Variants in CRYL1 observed in about 807,000 individuals in gnomAD.
CRYL1 encodes lambda-crystallin homolog.
CRYL1 carries 29 observed loss-of-function variants against 36.6 expected under a neutral mutation model. The ratio of observed to expected loss-of-function variants is 0.79; its 90% CI spans 0.59 to 1.08. The LOEUF is 1.08. Ranked by LOEUF, CRYL1 falls within the 50% of genes least tolerant of loss-of-function variation. CRYL1 has a pLI of 0.00. For missense variants in CRYL1, 411 were observed against 407.9 expected, an observed-to-expected ratio of 1.01 and a Z score of -0.06; for synonymous variants, 152 against 151.5, an observed-to-expected ratio of 1.00 and a Z score of -0.02.
intron 2 of CRYL1, among the ~76,000 whole-genome samples, chr13:20,492,956 C>T (rs530845613): frequency 6.6e-6 from 1 of 152,282 alleles, no homozygotes; most frequent in Admixed American, 6.5e-5. Context: ...AACTCTTCCT[C>T]CCCTCCACTC....
At chr13:20,485,514 A>C (rs1259345840) in intron 3 of CRYL1, among the ~76,000 whole-genome samples, 1 of 152,012 alleles carries the variant, frequency 6.6e-6, no homozygotes, top group Non-Finnish European at 1.5e-5. Flanking sequence ...AAATGTACAC[A>C]AAAAATTAGC....
intron 6 of CRYL1, among the ~76,000 whole-genome samples, chr13:20,408,870 G>A (rs901615230): frequency 6.6e-6 from 1 of 152,116 alleles, no homozygotes; most frequent in African/African-American, 2.4e-5. Context: ...AAATGGAAGA[G>A]CATTCCATGC....
intron 3 of CRYL1, among the ~76,000 whole-genome samples, chr13:20,441,943 T>G (rs1339246566): frequency 2.6e-5 from 4 of 151,822 alleles, no homozygotes; most frequent in Admixed American, 6.6e-5. Context: ...AAAAAAAAAA[T>G]CAGTCATTTA....
At position 20,481,966 on chromosome 13, in the gene CRYL1, G is replaced by A. The variant is rs779663438; in HGVS notation, c.276+7404C>T. Among the ~76,000 whole-genome samples the A allele has an allele frequency of 2.0e-4, 30 of 151,990 alleles. No individual in the cohort carries two copies. The highest frequency in any genetic ancestry group is 1.3e-4 in the Non-Finnish European group (9 of 67,990). On this transcript the variant is annotated intron_variant, in intron 3 of 7. Transcript: ENST00000298248. The surrounding 1 kb of genome is among the most constrained non-coding windows in gnomAD (Gnocchi z 4.1). ...GAAAAAGTGTAACTCCAGTTTCCTC[G>A]CACATTCCCGAATATTCTCAGGGCT...
rs759313356 is a variant in CRYL1 at position 20,439,691 on chromosome 13, C to A, written c.340G>T (p.Asp114Tyr). 1 of 1,613,898 alleles carries A rather than the reference C, an allele frequency of 6.2e-7. No homozygotes were observed. The highest frequency in any genetic ancestry group is 1.3e-5 in the African/African-American group (1 of 74,898). ...KIFAQLDSII[D>Y]DRVILSSSTS... The stretch of plus-strand genomic sequence containing the variant: ...GAACTGCTTAAGATCACTCGATCAT[C>A]AATGATGGAATCTAACTGAGCAAAA... The change falls in exon 4 of 8, where the codon GAT becomes TAT. Residue 114 changes from aspartate to tyrosine, a missense_variant. Transcript: ENST00000298248.
intron 1 of CRYL1, among the ~76,000 whole-genome samples, chr13:20,517,803 G>A (rs1041241690): frequency 8.0e-5 from 12 of 150,906 alleles, no homozygotes; most frequent in African/African-American, 2.4e-4. Flanking sequence ...GGGCATGGTG[G>A]CGGATGCCTG....
intron 2 of CRYL1, 27 bp downstream of exon 2, chr13:20,512,416 C>A: frequency 3.3e-6 from 5 of 1,508,928 alleles, no homozygotes; most frequent in Non-Finnish European, 4.6e-6. Flanking sequence ...CACTTCCATT[C>A]CTTCTGGAGA....
At chr13:20,431,595 T>C (rs1003545271) in intron 5 of CRYL1, 9 of 1,023,980 alleles carry the variant, frequency 8.8e-6, no homozygotes, top group Non-Finnish European at 1.1e-5. Flanking sequence ...GAGGATGATG[T>C]TAAATATATT....
chr13:20,505,359 C>CAAAAAAAAAAAAA lies in CRYL1; in HGVS notation c.149+7071_149+7083dup, dbSNP rs61380702. On this transcript the variant is annotated intron_variant, in intron 2 of 7. Coordinates refer to ENST00000298248, the MANE Select transcript of CRYL1 (RefSeq NM_015974.3). ...GCAACAAAGTGAGACTCTATCCCAC[C>CAAAAAAAAAAAAA]AAAAAAAAAAAAAAAAAAAAAAATC... is the stretch of plus-strand genomic sequence containing the variant. Among the ~76,000 whole-genome samples, 38 of 91,222 alleles carry CAAAAAAAAAAAAA rather than the reference C, an allele frequency of 4.2e-4. 1 individual carries two copies. Among genetic ancestry groups the CAAAAAAAAAAAAA allele is most frequent in the Non-Finnish European group, 6.0e-4 (26 of 43,650 alleles). 59.8% of individuals were successfully genotyped at this position (91,222 alleles called of 152,430 possible).
At chr13:20,473,599 G>A (rs2033104349) in intron 3 of CRYL1, among the ~76,000 whole-genome samples, 1 of 152,200 alleles carries the variant, frequency 6.6e-6, no homozygotes, top group Admixed American at 6.5e-5. Context: ...GGGCTTCACG[G>A]AGCCCACCGT....
Position 20,470,077 on chromosome 13 carries a change from A to G in CRYL1, c.276+19293T>C, listed in dbSNP as rs1048873542. On this transcript the variant is annotated intron_variant, in intron 3 of 7. Transcript: ENST00000298248. ...ATAAAGCTACACCCGTCCTCCCTGC[A>G]AAGCAGGCTTTCTTCTTCCTCAAAT... Among the ~76,000 whole-genome samples, 3 of 152,344 alleles carry G rather than the reference A, an allele frequency of 2.0e-5. No individual in the cohort carries two copies. The South Asian group carries it at 6.2e-4, about 32-fold the overall frequency.
chr13:20,498,087 T>TACAC (rs2033643998), intron 2 of CRYL1, among the ~76,000 whole-genome samples: 1 of 144,482 alleles, frequency 6.9e-6, no homozygotes, highest in Non-Finnish European at 1.5e-5. Context: ...ACACCACACA[T>TACAC]ACACACAACA....
intron 2 of CRYL1, among the ~76,000 whole-genome samples, chr13:20,495,429 T>C (rs2033587886): frequency 6.6e-6 from 1 of 152,080 alleles, no homozygotes; most frequent in Non-Finnish European, 1.5e-5. Flanking sequence ...GGACAGGGTA[T>C]GGGTGATTTT....
At chr13:20,485,381 G>A (rs939161124) in intron 3 of CRYL1, among the ~76,000 whole-genome samples, 14 of 152,160 alleles carry the variant, frequency 9.2e-5, no homozygotes, top group Admixed American at 6.5e-4. Context: ...GAAATGTGTA[G>A]GCTGGGCGCA....
At chr13:20,445,858 A>C (rs2137410662) in intron 3 of CRYL1, among the ~76,000 whole-genome samples, 1 of 152,338 alleles carries the variant, frequency 6.6e-6, no homozygotes, top group Non-Finnish European at 1.5e-5. Flanking sequence ...ATTTCCTGGC[A>C]TGGTTGTTGG....
At chr13:20,502,826 T>C (rs959962436) in intron 2 of CRYL1, among the ~76,000 whole-genome samples, 33 of 152,156 alleles carry the variant, frequency 2.2e-4, no homozygotes, top group African/African-American at 7.5e-4. Flanking sequence ...GGTACTTTGG[T>C]TTCCTGTTCA....
chr13:20,460,305 G>C (rs959431290), intron 3 of CRYL1, among the ~76,000 whole-genome samples: 3 of 152,134 alleles, frequency 2.0e-5, no homozygotes, highest in Non-Finnish European at 1.5e-5. Flanking sequence ...TATATAGAAA[G>C]AGTCAGCATT....
rs181938287 is a variant in CRYL1, at chr13:20,406,619, C to T, written c.740-1878G>A. On this transcript the variant is annotated intron_variant, in intron 6 of 7. Transcript: ENST00000298248. Reference sequence around the variant, plus strand: ...TCTGGAGAACAGAAAACAACCTACACATTTATTTCATTTGGGAAATTATTT... The same window carrying T: ...TCTGGAGAACAGAAAACAACCTACATATTTATTTCATTTGGGAAATTATTT... Among the ~76,000 whole-genome samples, 189 of 151,968 alleles carry T rather than the reference C, an allele frequency of 1.2e-3. 1 individual carries two copies. The highest frequency in any genetic ancestry group is 4.8e-3 in the Admixed American group (73 of 15,276).
At position 20,404,391 on chromosome 13, in the gene CRYL1, T is replaced by C. The variant is rs747772391; in HGVS notation, c.847-149A>G. 1.1e-4 allele frequency: 69 copies of C among 640,308 alleles called. No homozygotes were observed. In the Middle Eastern group the frequency reaches 1.2e-3, roughly 11 times the overall value. 39.7% of individuals were successfully genotyped at this position (640,308 alleles called of 1,614,324 possible). On this transcript the variant is annotated intron_variant, in intron 7 of 7. Coordinates refer to ENST00000298248, the MANE Select transcript of CRYL1 (RefSeq NM_015974.3). ...TCAATGAACAGCAGCTTTCCAAATC[T>C]TGAAAGACCTCAGTCCCTCAGAGAC...
Sources: gnomAD v4.1 joint callset for allele counts (sites outside exome capture counted in the v4.1 genomes callset) on GRCh38, gnomAD v4.1.1 for gene constraint, Gnocchi (gnomAD v3.1) non-coding constraint, MANE v1.5 for transcripts, NCBI Gene and HGNC (gene_info 2026-07-23, HGNC 2026-07-21) for gene names.